Variants in TANC2 observed in about 807,000 individuals in gnomAD.
TANC2 encodes the protein protein TANC2.
A neutral mutation model predicts 210.5 loss-of-function variants in TANC2; 26 were observed. That is an observed-to-expected ratio of 0.12 (90% CI 0.09 to 0.17). TANC2 has a LOEUF of 0.17. TANC2 is among the 10% of genes least tolerant of loss of function. The pLI is 1.00. For missense variants in TANC2, 2,129 were observed against 2,608.9 expected (o/e 0.82, Z 4.01); for synonymous variants, 931 against 967.1 (o/e 0.96, Z 0.69).
At chr17:63,372,876 T>A (rs1445369280) in intron 14 of TANC2, among the ~76,000 whole-genome samples, 3 of 150,708 alleles carry the variant, frequency 2.0e-5, no homozygotes, top group Non-Finnish European at 2.9e-5. Context: ...CATGTTAAAG[T>A]TGATTATGAT....
In TANC2 at chr17:63,237,996, G is replaced by A. The variant is rs1314150006; in HGVS notation, c.952G>A (p.Glu318Lys). The change falls in exon 8 of 28, where the codon GAG becomes AAG. Residue 318 changes from glutamate to lysine, a missense_variant. Physicochemically the swap from Glu to Lys is moderately conservative, Grantham distance 56. This residue lies in a region of TANC2 where 739 missense variants were observed against 848.0 expected (regional missense o/e 0.87). Transcript: ENST00000689528. The stretch of plus-strand genomic sequence containing the variant: ...CACCTATAGTCTGAATAAGATCCCA[G>A]AGAGAAATTTGGAAACAGTGTTATC... 1 of 1,575,106 alleles carries A rather than the reference G, an allele frequency of 6.3e-7. No homozygotes were observed. Among genetic ancestry groups the A allele is most frequent in the Admixed American group, 1.8e-5 (1 of 54,182 alleles).
At chr17:63,293,972 T>TAGGCTAAGGAG (rs2044459599) in intron 9 of TANC2, among the ~76,000 whole-genome samples, 1 of 152,078 alleles carries the variant, frequency 6.6e-6, no homozygotes, top group Admixed American at 6.6e-5. Context: ...CAAGCAGTCT[T>TAGGCTAAGGAG]CCCACCTTAG....
At chr17:63,030,591 C>G (rs1054273519) in intron 2 of TANC2, among the ~76,000 whole-genome samples, 1 of 151,848 alleles carries the variant, frequency 6.6e-6, no homozygotes, top group Non-Finnish European at 1.5e-5. Context: ...TGCCACCCCC[C>G]ACCCCCCGAT....
chr17:63,253,322 T>G (rs915596278), intron 8 of TANC2, among the ~76,000 whole-genome samples: 1 of 152,198 alleles, frequency 6.6e-6, no homozygotes, highest in Admixed American at 6.5e-5. Context: ...TTTGAGCTCC[T>G]TATACATTCT....
In TANC2 at chr17:63,117,032, G is replaced by A. The variant is rs535800131; in HGVS notation, c.322+17675G>A. Reference sequence around the variant, plus strand: ...TAAGAGAGGAGTTTACAGCTTTAAGGCATGAGGAGCTTACAGCTTTTTAAT... The same window carrying A: ...TAAGAGAGGAGTTTACAGCTTTAAGACATGAGGAGCTTACAGCTTTTTAAT... On this transcript the variant is annotated intron_variant, in intron 4 of 27. Transcript: ENST00000689528. 3.1e-3 allele frequency: 469 copies of A among 152,226 alleles called. 3 individuals carry two copies. The highest frequency in any genetic ancestry group is 0.01 in the African/African-American group (433 of 41,546). The allele number at this position is 152,226 out of a possible 1,614,324, so 9.4% of individuals were successfully genotyped here.
chr17:63,214,605 T>C (rs1266085701), intron 7 of TANC2, among the ~76,000 whole-genome samples: 1 of 152,206 alleles, frequency 6.6e-6, no homozygotes, highest in Non-Finnish European at 1.5e-5. Context: ...AGCTGAAGCC[T>C]TTGCTGTGGC....
chr17:63,397,635 C>T (rs2048210904), intron 18 of TANC2, among the ~76,000 whole-genome samples: 1 of 152,124 alleles, frequency 6.6e-6, no homozygotes, highest in South Asian at 2.1e-4. Context: ...TTTCAAGCTA[C>T]CAGTGTGACA....
chr17:63,000,426 A>C (rs1291368364), intron 1 of TANC2, among the ~76,000 whole-genome samples: 2 of 152,214 alleles, frequency 1.3e-5, no homozygotes, highest in African/African-American at 4.8e-5. Context: ...GAACATTGAA[A>C]ATGAAAATTG....
Position 63,420,424 on chromosome 17 carries a change from C to T in TANC2, c.4694C>T (p.Thr1565Ile). The T allele has an allele frequency of 6.2e-7, 1 of 1,613,978 alleles. No homozygotes were observed. Among genetic ancestry groups the T allele is most frequent in the African/African-American group, 1.3e-5 (1 of 75,036 alleles). The change falls in exon 28 of 28, where the codon ACC becomes ATC. Residue 1565 changes from threonine to isoleucine, a missense_variant. Thr to Ile is a moderately conservative substitution (Grantham distance 89). Transcript: ENST00000689528. This position sits in a 1 kb window ranked among gnomAD's most constrained non-coding sequence, Gnocchi z 4.2. ...TCTGTAGGCTCTCCCACTAGACAGA[C>T]CTATCAGTCCACCTCACCTGCCCTT...
At chr17:63,297,841 T>TA (rs756343498) in intron 9 of TANC2, among the ~76,000 whole-genome samples, 11 of 151,960 alleles carry the variant, frequency 7.2e-5, no homozygotes, top group East Asian at 3.9e-4. Flanking sequence ...CAGAATATAT[T>TA]AAAAAAACTC....
At chr17:63,414,923 A>G (rs1350283973) in intron 25 of TANC2, among the ~76,000 whole-genome samples, 1 of 152,228 alleles carries the variant, frequency 6.6e-6, no homozygotes, top group African/African-American at 2.4e-5. Flanking sequence ...AGATGGAATC[A>G]CAAACTCTAA....
chr17:63,219,070 T>A (rs2042099359), intron 7 of TANC2, among the ~76,000 whole-genome samples: 1 of 152,178 alleles, frequency 6.6e-6, no homozygotes, highest in Admixed American at 6.5e-5. Context: ...ATACATGACC[T>A]GCACAGTGAA....
At chr17:63,244,628 ATGG>A (rs2042865481) in intron 8 of TANC2, among the ~76,000 whole-genome samples, 1 of 152,168 alleles carries the variant, frequency 6.6e-6, no homozygotes, top group Non-Finnish European at 1.5e-5. Flanking sequence ...ATTTTTGTGG[ATGG>A]TCTGCCACTG....
At chr17:63,072,768 CT>C (rs2036443147) in intron 2 of TANC2, among the ~76,000 whole-genome samples, 1 of 151,920 alleles carries the variant, frequency 6.6e-6, no homozygotes, top group South Asian at 2.1e-4. Context: ...ACTGTACTTG[CT>C]AGTTTAACAG....
chr17:63,313,998 A>G (rs758605914), intron 9 of TANC2, among the ~76,000 whole-genome samples: 33 of 152,274 alleles, frequency 2.2e-4, no homozygotes, highest in Non-Finnish European at 1.5e-4. Context: ...ACCTCTCCAC[A>G]ATCCAACAAT....
chr17:63,244,783 A>G (rs1307215325), intron 8 of TANC2, among the ~76,000 whole-genome samples: 2 of 152,134 alleles, frequency 1.3e-5, no homozygotes, highest in Admixed American at 1.3e-4. Context: ...CACAATTCCC[A>G]AGTGTTGTGG....
At chr17:63,377,015 G>A (rs2047447167) in intron 14 of TANC2, among the ~76,000 whole-genome samples, 1 of 151,928 alleles carries the variant, frequency 6.6e-6, no homozygotes, top group African/African-American at 2.4e-5. Flanking sequence ...TGAGGCTTGG[G>A]GCTTGCACCC....
chr17:63,066,253 C>T (rs2036192213), intron 2 of TANC2, among the ~76,000 whole-genome samples: 2 of 151,994 alleles, frequency 1.3e-5, no homozygotes, highest in Non-Finnish European at 1.5e-5. Context: ...CTGTGGCTGG[C>T]CTGGAGTCTG....
intron 1 of TANC2, among the ~76,000 whole-genome samples, chr17:62,974,885 G>A (rs1339921733): frequency 1.3e-5 from 2 of 152,048 alleles, no homozygotes; most frequent in Admixed American, 1.3e-4. Context: ...AGAAAAGTAC[G>A]TAAGCAATAA....
Sources: gnomAD v4.1 joint callset for allele counts (sites outside exome capture counted in the v4.1 genomes callset) on GRCh38, gnomAD v4.1.1 for gene constraint, gnomAD v4.1.1 regional missense constraint, Gnocchi (gnomAD v3.1) non-coding constraint, MANE v1.5 for transcripts, NCBI Gene and HGNC (gene_info 2026-07-23, HGNC 2026-07-21) for gene names.